TRAPPC9: variants seen among roughly 807,000 people sequenced by gnomAD.
TRAPPC9 encodes IKK2 binding protein.
A neutral mutation model predicts 124.0 loss-of-function variants in TRAPPC9; 83 were observed. The observed-to-expected ratio is 0.67, with a 90% CI of 0.56 to 0.80. The LOEUF is 0.80. TRAPPC9 is among the 30% of genes least tolerant of loss of function. The pLI is 0.00. For missense variants in TRAPPC9, 1,302 were observed against 1,508.3 expected (o/e 0.86, Z 2.27); for synonymous variants, 638 against 617.5 (o/e 1.03, Z -0.49).
chr8:139,991,767 G>A (rs1837667962), intron 18 of TRAPPC9, among the ~76,000 whole-genome samples: 1 of 152,072 alleles, frequency 6.6e-6, no homozygotes, highest in Non-Finnish European at 1.5e-5. Flanking sequence ...GGAATCTGTA[G>A]TCAGGTTGAG....
chr8:140,442,081 A>T (rs2071037206), intron 2 of TRAPPC9, among the ~76,000 whole-genome samples: 1 of 152,208 alleles, frequency 6.6e-6, no homozygotes, highest in South Asian at 2.1e-4. Flanking sequence ...TGAACTTCAC[A>T]AAAGTGTACA....
At chr8:139,841,912 G>C (rs1384435731) in intron 21 of TRAPPC9, among the ~76,000 whole-genome samples, 1 of 152,238 alleles carries the variant, frequency 6.6e-6, no homozygotes, top group Admixed American at 6.5e-5. Flanking sequence ...ACAATGTCCA[G>C]GTTTACTAGA....
At chr8:140,007,625 G>A (rs1002053772) in intron 18 of TRAPPC9, among the ~76,000 whole-genome samples, 1 of 152,174 alleles carries the variant, frequency 6.6e-6, no homozygotes, top group African/African-American at 2.4e-5. Flanking sequence ...AATTGATGAT[G>A]TTGCACAATC....
intron 17 of TRAPPC9, among the ~76,000 whole-genome samples, chr8:140,218,758 G>A (rs764140025): frequency 7.2e-5 from 11 of 152,020 alleles, no homozygotes; most frequent in East Asian, 1.9e-4. Flanking sequence ...TCAAGAGTTC[G>A]AGACCAGCCT....
At chr8:139,959,957 C>T (rs1285745125) in intron 19 of TRAPPC9, among the ~76,000 whole-genome samples, 1 of 152,082 alleles carries the variant, frequency 6.6e-6, no homozygotes, top group Non-Finnish European at 1.5e-5. Flanking sequence ...GGGCTGTGGG[C>T]GATGGAGGAA....
At chr8:139,862,541 G>C (rs1026738810) in intron 21 of TRAPPC9, among the ~76,000 whole-genome samples, 1 of 152,218 alleles carries the variant, frequency 6.6e-6, no homozygotes, top group Non-Finnish European at 1.5e-5. Flanking sequence ...CAGAGGCGGG[G>C]ACGCCTGTAA....
intron 19 of TRAPPC9, among the ~76,000 whole-genome samples, chr8:139,979,710 AGG>A (rs1836755355): frequency 6.6e-6 from 1 of 152,002 alleles, no homozygotes; most frequent in African/African-American, 2.4e-5. Context: ...CACAGTGTCG[AGG>A]AGGACAGGAC....
intron 17 of TRAPPC9, among the ~76,000 whole-genome samples, chr8:140,185,621 C>G (rs2062335207): frequency 6.6e-6 from 1 of 152,162 alleles, no homozygotes; most frequent in South Asian, 2.1e-4. Context: ...TGCTGCCCAC[C>G]CTGTACATGT....
At chr8:139,802,438 A>T (rs1823604495) in intron 21 of TRAPPC9, among the ~76,000 whole-genome samples, 1 of 152,028 alleles carries the variant, frequency 6.6e-6, no homozygotes, top group Non-Finnish European at 1.5e-5. Flanking sequence ...AGTGGAGGAG[A>T]AGTGCAGTCA....
At chr8:139,863,272 C>T (rs1339267881) in intron 21 of TRAPPC9, among the ~76,000 whole-genome samples, 1 of 152,232 alleles carries the variant, frequency 6.6e-6, no homozygotes, top group African/African-American at 2.4e-5. Context: ...ACTCAGTGAG[C>T]AGGCCTGAGC....
intron 17 of TRAPPC9, among the ~76,000 whole-genome samples, chr8:140,208,901 C>T (rs766531004): frequency 6.6e-6 from 1 of 152,210 alleles, no homozygotes; most frequent in Non-Finnish European, 1.5e-5. Context: ...ATTTGCAGGG[C>T]CAACTTTTCA....
At chr8:140,343,337 C>CT (rs1382325056) in intron 9 of TRAPPC9, among the ~76,000 whole-genome samples, 3 of 152,164 alleles carry the variant, frequency 2.0e-5, no homozygotes, top group African/African-American at 7.2e-5. Context: ...CGGCATTTTT[C>CT]TTTTCATTAA....
intron 16 of TRAPPC9, among the ~76,000 whole-genome samples, chr8:140,249,061 G>A (rs972792356): frequency 8.5e-5 from 13 of 152,072 alleles, no homozygotes; most frequent in Admixed American, 8.5e-4. Flanking sequence ...TAGCGGGTAC[G>A]TGTTCAGGTT....
intron 15 of TRAPPC9, among the ~76,000 whole-genome samples, chr8:140,259,207 G>A (rs1355695946): frequency 2.0e-5 from 3 of 152,270 alleles, no homozygotes; most frequent in African/African-American, 2.4e-5. Context: ...GGAATGCCCC[G>A]CTCACTTTCC....
At chr8:139,816,799 A>T in intron 21 of TRAPPC9, among the ~76,000 whole-genome samples, 1 of 151,592 alleles carries the variant, frequency 6.6e-6, no homozygotes, top group East Asian at 1.9e-4. Context: ...GGGTCCGCCA[A>T]CTCCTGCCAG....
At chr8:139,823,161 G>A (rs1825371029) in intron 21 of TRAPPC9, among the ~76,000 whole-genome samples, 1 of 152,116 alleles carries the variant, frequency 6.6e-6, no homozygotes, top group Admixed American at 6.5e-5. Flanking sequence ...AATTTTGGGG[G>A]GACACATTCA....
intron 19 of TRAPPC9, among the ~76,000 whole-genome samples, chr8:139,960,871 G>T (rs1304666249): frequency 1.6e-5 from 2 of 124,980 alleles, no homozygotes; most frequent in Non-Finnish European, 3.8e-5. Flanking sequence ...TGTTCCCAGT[G>T]GTGCCCGTGA....
At chr8:140,023,639 G>A (rs1355589983) in intron 18 of TRAPPC9, among the ~76,000 whole-genome samples, 1 of 152,212 alleles carries the variant, frequency 6.6e-6, no homozygotes, top group Non-Finnish European at 1.5e-5. Flanking sequence ...AGGCCAGGCT[G>A]GGCGGGAAAT....
At chr8:140,261,345 C>T (rs1330426813) in intron 15 of TRAPPC9, among the ~76,000 whole-genome samples, 1 of 152,186 alleles carries the variant, frequency 6.6e-6, no homozygotes, top group Non-Finnish European at 1.5e-5. Context: ...GTAGCCCCTG[C>T]CCTCTGGGGA....
Sources: allele counts gnomAD v4.1 joint callset (sites outside exome capture counted in the v4.1 genomes callset), GRCh38; gene constraint gnomAD v4.1.1; transcripts MANE v1.5; gene names NCBI Gene and HGNC (gene_info 2026-07-23, HGNC 2026-07-21).